PARD3B: variants seen among roughly 807,000 people sequenced by gnomAD.
The protein encoded by PARD3B is par-3 family cell polarity regulator beta.
In PARD3B, 103 loss-of-function variants were observed where a neutral mutation model predicts 130.2. That is an observed-to-expected ratio of 0.79 (90% CI 0.67 to 0.93). PARD3B has a LOEUF of 0.93. Ranked by LOEUF, PARD3B falls within the 40% of genes least tolerant of loss-of-function variation. The pLI is 0.00. For synonymous variants in PARD3B, 583 were observed against 553.2 expected (o/e 1.05, Z -0.76); for missense variants, 1,609 against 1,499.2 (o/e 1.07, Z -1.21).
chr2:204,715,664 ATCT>A lies in PARD3B; in HGVS notation c.222+29386_222+29388del, dbSNP rs1251536485. On this transcript the variant is annotated intron_variant, in intron 2 of 22. Transcript: ENST00000406610. ...AAATTTGCAAGGAGTCTTAGAGAAG[ATCT>A]TCTATAGAAGAGAAAAGTTTGGGGG... Among the ~76,000 whole-genome samples, 4 of 152,082 alleles carry A rather than the reference ATCT, an allele frequency of 2.6e-5. 1 individual carries two copies. The highest frequency in any genetic ancestry group is 2.6e-4 in the Admixed American group (4 of 15,272).
At chr2:205,074,523 A>G (rs1020074445) in intron 4 of PARD3B, among the ~76,000 whole-genome samples, 19 of 152,184 alleles carry the variant, frequency 1.2e-4, no homozygotes, top group Admixed American at 9.8e-4. Flanking sequence ...TTCATAGAAA[A>G]TGGTACTACT....
rs17681499 is a variant in PARD3B, at chr2:204,860,987, T to C, written c.223-104165T>C. 3.7e-3 allele frequency among the ~76,000 whole-genome samples: 567 copies of C among 152,296 alleles called. 4 individuals carry two copies. The Middle Eastern group carries it at 0.037, about 10-fold the overall frequency. ...GAGTTTTCCCTGCAAATGCTATACA[T>C]AATTGAATCACTGAATTACTTAGGG... is the stretch of plus-strand genomic sequence containing the variant. On this transcript the variant is annotated intron_variant, in intron 2 of 22. Transcript: ENST00000406610.
Position 205,229,900 on chromosome 2 carries a change from A to C in PARD3B, c.2141-15878A>C, listed in dbSNP as rs2038746474. On this transcript the variant is annotated intron_variant, in intron 15 of 22. Transcript: ENST00000406610. The surrounding 1 kb of genome is among the most constrained non-coding windows in gnomAD (Gnocchi z 5.2). ...ACTTTTCCCTCTTCTTTCCACAAGC[A>C]GAGGACTCTCTCCCCACAGCCACCA... Among the ~76,000 whole-genome samples, 1 of 151,818 alleles carries C rather than the reference A, an allele frequency of 6.6e-6. No homozygotes were observed. Among genetic ancestry groups the C allele is most frequent in the South Asian group, 2.1e-4 (1 of 4,818 alleles).
At chr2:204,844,788 G>C (rs1427428355) in intron 2 of PARD3B, among the ~76,000 whole-genome samples, 20 of 152,004 alleles carry the variant, frequency 1.3e-4, no homozygotes, top group Admixed American at 1.2e-3. Context: ...TTTCCAATAA[G>C]AACTTGAAAA....
chr2:205,533,876 C>T (rs910700512), intron 21 of PARD3B, among the ~76,000 whole-genome samples: 3 of 152,070 alleles, frequency 2.0e-5, no homozygotes, highest in South Asian at 2.1e-4. Context: ...TACAGGCCCA[C>T]GCCACCACAT....
chr2:205,497,438 T>TTG, intron 20 of PARD3B, among the ~76,000 whole-genome samples: 1 of 151,288 alleles, frequency 6.6e-6, no homozygotes, highest in East Asian at 1.9e-4. Flanking sequence ...TTTTTTTTTT[T>TTG]TTTTTTTTTG....
At chr2:205,009,840 T>A (rs1170455969) in intron 3 of PARD3B, among the ~76,000 whole-genome samples, 1 of 152,196 alleles carries the variant, frequency 6.6e-6, no homozygotes, top group African/African-American at 2.4e-5. Flanking sequence ...TGTTAAGTTT[T>A]TTAAAAAGTG....
intron 15 of PARD3B, among the ~76,000 whole-genome samples, chr2:205,202,447 C>G (rs947220051): frequency 1.3e-5 from 2 of 152,148 alleles, no homozygotes; most frequent in African/African-American, 4.8e-5. Flanking sequence ...TGTATTCATT[C>G]TTACTACTAT....
rs189144504 is a variant in PARD3B, at chr2:205,309,348, C to T, written c.2630+7647C>T. Among the ~76,000 whole-genome samples the T allele has an allele frequency of 2.0e-5, 3 of 152,254 alleles. No individual in the cohort carries two copies. The highest frequency in any genetic ancestry group is 1.9e-4 in the East Asian group (1 of 5,186). On this transcript the variant is annotated intron_variant, in intron 18 of 22. Coordinates refer to ENST00000406610, the MANE Select transcript of PARD3B (RefSeq NM_001302769.2). The surrounding 1 kb of genome is among the most constrained non-coding windows in gnomAD (Gnocchi z 4.7). ...AGCATACCTCAAAGATAGACTAGTTCGGTTACATAGTGGAGCATCAGACAA... is the reference window on the plus strand; with the variant it reads ...AGCATACCTCAAAGATAGACTAGTTTGGTTACATAGTGGAGCATCAGACAA...
chr2:205,220,505 A>G (rs1169310823), intron 15 of PARD3B, among the ~76,000 whole-genome samples: 2 of 152,136 alleles, frequency 1.3e-5, no homozygotes, highest in Non-Finnish European at 2.9e-5. Flanking sequence ...CCAGCCTTTT[A>G]TTTAACAAAT....
At chr2:205,333,039 A>G (rs3843339) in intron 18 of PARD3B, among the ~76,000 whole-genome samples, 91,170 of 152,068 alleles carry the variant, frequency 0.6, 30,770 homozygotes, top group South Asian at 0.77. Context: ...TAGTTAACTC[A>G]TGAATGTGGT....
intron 18 of PARD3B, among the ~76,000 whole-genome samples, chr2:205,390,152 AAATG>A: frequency 6.6e-6 from 1 of 151,350 alleles, no homozygotes; most frequent in East Asian, 1.9e-4. Flanking sequence ...TTTATACAAT[AAATG>A]CTTGACAAAA....
At chr2:204,981,477 G>A (rs1692661825) in intron 3 of PARD3B, among the ~76,000 whole-genome samples, 1 of 152,150 alleles carries the variant, frequency 6.6e-6, no homozygotes, top group African/African-American at 2.4e-5. Flanking sequence ...CTTTCCCAGT[G>A]GGGCAATATA....
intron 18 of PARD3B, among the ~76,000 whole-genome samples, chr2:205,363,882 G>T (rs560078397): frequency 7.9e-6 from 1 of 126,092 alleles, no homozygotes; most frequent in Non-Finnish European, 1.5e-5. Flanking sequence ...GGCCAGGCTG[G>T]TCTTGAACTC....
intron 4 of PARD3B, among the ~76,000 whole-genome samples, chr2:205,070,682 A>G (rs571910255): frequency 6.6e-6 from 1 of 152,292 alleles, no homozygotes; most frequent in South Asian, 2.1e-4. Flanking sequence ...TTTCGCCATT[A>G]GTAACCTAAA....
At chr2:204,562,799 A>G (rs1328705188) in intron 1 of PARD3B, among the ~76,000 whole-genome samples, 2 of 151,878 alleles carry the variant, frequency 1.3e-5, no homozygotes, top group Admixed American at 1.3e-4. Context: ...CCTTAAAAAA[A>G]AACTGCAGTT....
intron 16 of PARD3B, among the ~76,000 whole-genome samples, chr2:205,285,988 GTACA>G (rs1458652445): frequency 6.6e-6 from 1 of 152,050 alleles, no homozygotes; most frequent in African/African-American, 2.4e-5. Context: ...TGAATTTTTT[GTACA>G]TACATAATTT....
intron 1 of PARD3B, among the ~76,000 whole-genome samples, chr2:204,612,837 T>G (rs1230946963): frequency 1.3e-5 from 2 of 151,808 alleles, no homozygotes; most frequent in African/African-American, 4.8e-5. Flanking sequence ...TATTTCTTGA[T>G]TTTTAATATT....
intron 4 of PARD3B, among the ~76,000 whole-genome samples, chr2:205,087,414 A>G (rs1167623242): frequency 6.6e-6 from 1 of 152,214 alleles, no homozygotes; most frequent in Admixed American, 6.5e-5. Flanking sequence ...AGTGGGTCAC[A>G]GGACTTGGCT....
Sources: gnomAD v4.1 joint callset for allele counts (sites outside exome capture counted in the v4.1 genomes callset) on GRCh38, gnomAD v4.1.1 for gene constraint, Gnocchi (gnomAD v3.1) non-coding constraint, MANE v1.5 for transcripts, NCBI Gene and HGNC (gene_info 2026-07-23, HGNC 2026-07-21) for gene names.